Variants in CNTN5 observed in about 807,000 individuals in gnomAD.
CNTN5 encodes contactin-5.
In CNTN5, 77 loss-of-function variants were observed where a neutral mutation model predicts 129.1. The ratio of observed to expected loss-of-function variants is 0.60; its 90% CI spans 0.50 to 0.72. The LOEUF is 0.72. Among genes scored for constraint, CNTN5 ranks in the 30% least tolerant of loss-of-function variants. The pLI, the probability that CNTN5 is intolerant of heterozygous loss-of-function variation, is 0.00. For missense variants in CNTN5, 1,478 were observed against 1,328.8 expected (o/e 1.11, Z -1.75); for synonymous variants, 509 against 465.6 (o/e 1.09, Z -1.20).
intron 3 of CNTN5, among the ~76,000 whole-genome samples, chr11:99,793,295 G>A (rs113914225): frequency 1.3e-5 from 2 of 152,228 alleles, no homozygotes; most frequent in African/African-American, 4.8e-5. Flanking sequence ...TCCTGACCTC[G>A]TGATCCACCT....
intron 1 of CNTN5, among the ~76,000 whole-genome samples, chr11:99,146,244 C>T (rs968899998): frequency 3.9e-5 from 6 of 152,000 alleles, no homozygotes; most frequent in East Asian, 1.9e-4. Context: ...TTCTGGGAAA[C>T]GCAAAAGTGG....
intron 13 of CNTN5, among the ~76,000 whole-genome samples, chr11:100,125,762 G>A (rs560358437): frequency 5.9e-5 from 9 of 151,966 alleles, no homozygotes; most frequent in Admixed American, 2.0e-4. Context: ...CCAACTTTTG[G>A]TTTTACTGAT....
chr11:99,753,585 C>A lies in CNTN5; in HGVS notation c.56-65959C>A, dbSNP rs1355407223. On this transcript the variant is annotated intron_variant, in intron 3 of 24. Coordinates refer to ENST00000524871, the MANE Select transcript of CNTN5 (RefSeq NM_014361.4). ...CTTGCACTAGTTTATCAGCTTGTGG[C>A]CCCACTAAACTATCTCAGCAGCTCA... is the stretch of plus-strand genomic sequence containing the variant. 1.3e-5 allele frequency among the ~76,000 whole-genome samples: 2 copies of A among 149,616 alleles called. 1 individual carries two copies. The highest frequency in any genetic ancestry group is 1.3e-4 in the Admixed American group (2 of 14,910).
At chr11:99,463,442 AG>A (rs1354663304) in intron 2 of CNTN5, among the ~76,000 whole-genome samples, 6 of 128,580 alleles carry the variant, frequency 4.7e-5, no homozygotes, top group African/African-American at 1.7e-4. Flanking sequence ...TGTCTCAAAA[AG>A]AAAAAAAAAA....
chr11:100,085,189 A>G (rs1944502128), intron 13 of CNTN5, among the ~76,000 whole-genome samples: 1 of 151,990 alleles, frequency 6.6e-6, no homozygotes, highest in African/African-American at 2.4e-5. Flanking sequence ...TTTCTGGGAT[A>G]TGTGTCAATT....
At chr11:99,810,242 G>A (rs1017625183) in intron 3 of CNTN5, among the ~76,000 whole-genome samples, 2 of 152,070 alleles carry the variant, frequency 1.3e-5, no homozygotes, top group African/African-American at 4.8e-5. Context: ...AAAAGACAAA[G>A]TTATCCAAAT....
intron 1 of CNTN5, among the ~76,000 whole-genome samples, chr11:99,071,072 A>G (rs1407947557): frequency 1.3e-5 from 2 of 152,166 alleles, no homozygotes; most frequent in African/African-American, 4.8e-5. Flanking sequence ...GGCTTAGAGT[A>G]TACAATGTAT....
chr11:99,223,269 G>C (rs916548625), intron 1 of CNTN5, among the ~76,000 whole-genome samples: 5 of 152,152 alleles, frequency 3.3e-5, no homozygotes, highest in African/African-American at 1.2e-4. Context: ...AGTAGCAGAG[G>C]ATAATGGGTC....
chr11:99,072,040 G>A (rs914875997), intron 1 of CNTN5, among the ~76,000 whole-genome samples: 4 of 152,048 alleles, frequency 2.6e-5, no homozygotes, highest in African/African-American at 4.8e-5. Context: ...AGCTGATAAA[G>A]TACTTAGTGT....
At chr11:99,040,329 G>A (rs1332775645) in intron 1 of CNTN5, among the ~76,000 whole-genome samples, 1 of 152,086 alleles carries the variant, frequency 6.6e-6, no homozygotes, top group Non-Finnish European at 1.5e-5. Context: ...TGAATGTGTA[G>A]CTTAAGTAAG....
At chr11:100,189,732 C>T (rs1425428901) in intron 13 of CNTN5, among the ~76,000 whole-genome samples, 1 of 152,056 alleles carries the variant, frequency 6.6e-6, no homozygotes, top group Admixed American at 6.6e-5. Context: ...TAGAACTTTT[C>T]ATTGACAATC....
chr11:99,618,972 G>A (rs1950844833), intron 3 of CNTN5, among the ~76,000 whole-genome samples: 1 of 152,100 alleles, frequency 6.6e-6, no homozygotes, highest in African/African-American at 2.4e-5. Context: ...TAATCAATGA[G>A]TCTGACTTCA....
At chr11:100,331,827 G>GA (rs1191072741) in intron 21 of CNTN5, among the ~76,000 whole-genome samples, 6 of 151,896 alleles carry the variant, frequency 4.0e-5, no homozygotes, top group African/African-American at 1.4e-4. Context: ...CTGAGATACA[G>GA]AAAAAACTAA....
intron 7 of CNTN5, among the ~76,000 whole-genome samples, chr11:99,919,203 G>A (rs1949871715): frequency 1.3e-5 from 2 of 152,066 alleles, no homozygotes; most frequent in African/African-American, 4.8e-5. Context: ...ACTTCCAACG[G>A]TATAGTATAG....
intron 1 of CNTN5, among the ~76,000 whole-genome samples, chr11:99,182,882 A>T (rs1858148505): frequency 6.6e-6 from 1 of 152,182 alleles, no homozygotes; most frequent in African/African-American, 2.4e-5. Context: ...TTAAAATATA[A>T]TATGCAATCA....
At chr11:99,676,755 C>T (rs1486157251) in intron 3 of CNTN5, among the ~76,000 whole-genome samples, 2 of 151,962 alleles carry the variant, frequency 1.3e-5, no homozygotes, top group East Asian at 1.9e-4. Flanking sequence ...CTTTAACTTG[C>T]CACTGTGGAA....
At chr11:99,657,876 C>A (rs555989818) in intron 3 of CNTN5, among the ~76,000 whole-genome samples, 1 of 152,018 alleles carries the variant, frequency 6.6e-6, no homozygotes, top group Non-Finnish European at 1.5e-5. Flanking sequence ...ATTACTAGAC[C>A]CATTCAGAAT....
intron 3 of CNTN5, 22 bp downstream of exon 3, chr11:99,556,291 T>C: frequency 6.8e-7 from 1 of 1,465,700 alleles, no homozygotes; most frequent in Non-Finnish European, 9.2e-7. Context: ...GATTAATTAA[T>C]TATTTGATTT....
intron 3 of CNTN5, among the ~76,000 whole-genome samples, chr11:99,611,717 A>G (rs111618533): frequency 6.6e-6 from 1 of 152,234 alleles, no homozygotes. Context: ...AATCTTCACT[A>G]CAAAGGTATA....
Sources: gnomAD v4.1 joint callset for allele counts (sites outside exome capture counted in the v4.1 genomes callset) on GRCh38, gnomAD v4.1.1 for gene constraint, MANE v1.5 for transcripts, NCBI Gene and HGNC (gene_info 2026-07-23, HGNC 2026-07-21) for gene names.